LRRC2: variants seen among roughly 807,000 people sequenced by gnomAD.
LRRC2 encodes leucine-rich repeat-containing protein 2.
LRRC2 carries 27 observed loss-of-function variants against 40.2 expected under a neutral mutation model. That is an observed-to-expected ratio of 0.67 (90% CI 0.49 to 0.93). LRRC2 has a LOEUF of 0.93. Ranked by LOEUF, LRRC2 falls within the 40% of genes least tolerant of loss-of-function variation. The pLI is 0.00. For missense variants in LRRC2, 402 were observed against 439.6 expected, an observed-to-expected ratio of 0.91 and a Z score of 0.76; for synonymous variants, 147 against 158.9, an observed-to-expected ratio of 0.92 and a Z score of 0.56.
intron 1 of LRRC2, among the ~76,000 whole-genome samples, chr3:46,563,208 G>A (rs1479462753): frequency 6.6e-6 from 1 of 152,028 alleles, no homozygotes; most frequent in Non-Finnish European, 1.5e-5. Flanking sequence ...TTGGGGAAAG[G>A]CCCCCTAATT....
chr3:46,556,294 A>T (rs879858486), intron 1 of LRRC2, among the ~76,000 whole-genome samples: 4 of 151,810 alleles, frequency 2.6e-5, no homozygotes, highest in Non-Finnish European at 5.9e-5. Flanking sequence ...TAATTTTTTT[A>T]AAAAAATATT....
intron 4 of LRRC2, among the ~76,000 whole-genome samples, chr3:46,533,786 T>A (rs1304465584): frequency 6.6e-6 from 1 of 150,432 alleles, no homozygotes; most frequent in East Asian, 2.0e-4. Flanking sequence ...TTTCTTTCTT[T>A]CTTTCTTTCT....
intron 4 of LRRC2, among the ~76,000 whole-genome samples, chr3:46,533,339 T>C (rs1704194110): frequency 6.6e-6 from 1 of 152,230 alleles, no homozygotes; most frequent in African/African-American, 2.4e-5. Flanking sequence ...GCACAGTGTC[T>C]ATAGCGGCTC....
chr3:46,553,985 G>C (rs1290830487), intron 1 of LRRC2, among the ~76,000 whole-genome samples: 1 of 151,784 alleles, frequency 6.6e-6, no homozygotes, highest in African/African-American at 2.4e-5. Context: ...GTTTGTTGTT[G>C]TTGTTGTTGT....
At chr3:46,545,398 T>C in intron 2 of LRRC2, 145 bp from the exon 3 acceptor site, 1 of 677,446 alleles carries the variant, frequency 1.5e-6, no homozygotes, top group South Asian at 1.9e-5. Context: ...TCCTCCCTGC[T>C]GTGGGGGTGC....
At chr3:46,560,674 T>A (rs1366900137) in intron 1 of LRRC2, among the ~76,000 whole-genome samples, 1 of 152,200 alleles carries the variant, frequency 6.6e-6, no homozygotes, top group African/African-American at 2.4e-5. Context: ...AGCATCTGAT[T>A]CCGGTTCCCT....
chr3:46,523,848 C>T (rs539704646), intron 7 of LRRC2, among the ~76,000 whole-genome samples: 10 of 152,200 alleles, frequency 6.6e-5, no homozygotes, highest in Non-Finnish European at 1.2e-4. Flanking sequence ...TCTGTTCACA[C>T]ATCTATCCAC....
chr3:46,561,397 ATAAAT>A (rs1158321176), intron 1 of LRRC2, among the ~76,000 whole-genome samples: 6 of 152,096 alleles, frequency 3.9e-5, no homozygotes, highest in Non-Finnish European at 8.8e-5. Flanking sequence ...AATAAAATGA[ATAAAT>A]AAAATAGCTG....
rs376138122 is a variant in LRRC2, at chr3:46,559,230, G to C, written c.-20+6947C>G. On this transcript the variant is annotated intron_variant, in intron 1 of 8. Transcript: ENST00000395905. ...AAAAGTCTCCATAAAGGAACGCTAC[G>C]CATCATCCTGAAAATAAAGATCAAA... The C allele has an allele frequency of 2.6e-5, 4 of 152,180 alleles. No homozygotes were observed. In the East Asian group the frequency reaches 5.8e-4, roughly 22 times the overall value. The allele number at this position is 152,180 out of a possible 1,614,324, so 9.4% of individuals were successfully genotyped here.
chr3:46,532,738 A>G, intron 5 of LRRC2, 35 bp downstream of exon 5: 1 of 1,600,654 alleles, frequency 6.2e-7, no homozygotes, highest in East Asian at 2.2e-5. Flanking sequence ...AACCAAATAA[A>G]AGTGAATCGT....
chr3:46,550,352 G>C (rs555820604), intron 2 of LRRC2, among the ~76,000 whole-genome samples: 1 of 143,946 alleles, frequency 6.9e-6, no homozygotes, highest in Non-Finnish European at 1.5e-5. Flanking sequence ...AACCAAGAAT[G>C]TAGACACATT....
intron 4 of LRRC2, among the ~76,000 whole-genome samples, chr3:46,533,387 C>A (rs2373255): frequency 0.34 from 51,649 of 151,978 alleles, 8,951 homozygotes; most frequent in Middle Eastern, 0.49. Context: ...TAAGGAATTA[C>A]CATATCTTAC....
At chr3:46,521,105 A>AT (rs1326257248) in intron 8 of LRRC2, among the ~76,000 whole-genome samples, 1 of 152,102 alleles carries the variant, frequency 6.6e-6, no homozygotes, top group Non-Finnish European at 1.5e-5. Context: ...CCCTTTTGTG[A>AT]TTTTTATATG....
At chr3:46,536,048 C>T (rs150216515) in intron 4 of LRRC2, among the ~76,000 whole-genome samples, 10 of 152,228 alleles carry the variant, frequency 6.6e-5, no homozygotes, top group African/African-American at 1.4e-4. Flanking sequence ...ATGGTGTGAT[C>T]GGGGGAAACA....
At chr3:46,539,786 A>T (rs1704346299) in intron 3 of LRRC2, among the ~76,000 whole-genome samples, 2 of 152,250 alleles carry the variant, frequency 1.3e-5, no homozygotes, top group Non-Finnish European at 2.9e-5. Flanking sequence ...CTCAGTGTCC[A>T]AGGCCTCCCC....
Position 46,539,203 on chromosome 3 carries a change from T to C in LRRC2, c.334-2A>G. ...CTCCTTCAATGAATCTGGGAGCTCCTAAAATAGAAAGAATGACATCAATCA... is the reference window on the plus strand; with the variant it reads ...CTCCTTCAATGAATCTGGGAGCTCCCAAAATAGAAAGAATGACATCAATCA... On this transcript the variant is annotated splice_acceptor_variant, in intron 3 of 8. Coordinates refer to ENST00000395905, the MANE Select transcript of LRRC2 (RefSeq NM_024512.5). LOFTEE classifies it high-confidence loss of function. The C allele has an allele frequency of 6.2e-7, 1 of 1,613,136 alleles. No individual in the cohort carries two copies. The highest frequency in any genetic ancestry group is 1.1e-5 in the South Asian group (1 of 90,878).
At chr3:46,551,312 G>T in intron 2 of LRRC2, 155 bp downstream of exon 2, 1 of 830,148 alleles carries the variant, frequency 1.2e-6, no homozygotes, top group Non-Finnish European at 1.8e-6. Context: ...TATTTGTACT[G>T]AGCAACAGTG....
rs568525588 is a variant in LRRC2 at position 46,516,638 on chromosome 3, T to C, written c.*2376A>G. On this transcript the variant is annotated 3_prime_UTR_variant, in exon 9 of 9. Transcript: ENST00000395905. ...GGTGCCTTGACCCAGCCAGCTGATG[T>C]TTTCCTCTGCAGGTCTGAACCCCAG... 5 of 152,366 alleles carry C rather than the reference T, an allele frequency of 3.3e-5. No homozygotes were observed. Among genetic ancestry groups the C allele is most frequent in the African/African-American group, 7.2e-5 (3 of 41,552 alleles). The allele number at this position is 152,366 out of a possible 1,614,324, so 9.4% of individuals were successfully genotyped here. A position where few individuals can be genotyped will look rare whatever the true frequency, so the allele number is the denominator to read the frequency against.
chr3:46,536,418 C>G (rs1704270373), intron 4 of LRRC2, among the ~76,000 whole-genome samples: 1 of 152,184 alleles, frequency 6.6e-6, no homozygotes, highest in African/African-American at 2.4e-5. Flanking sequence ...CTCACAACCA[C>G]TAAATGACAG....
Sources: gnomAD v4.1 joint callset for allele counts (sites outside exome capture counted in the v4.1 genomes callset) on GRCh38, gnomAD v4.1.1 for gene constraint, MANE v1.5 for transcripts, NCBI Gene and HGNC (gene_info 2026-07-23, HGNC 2026-07-21) for gene names.